Variants in WNK3 observed in about 807,000 individuals in gnomAD.
WNK3 encodes serine/threonine-protein kinase WNK3.
A neutral mutation model predicts 116.7 loss-of-function variants in WNK3; 18 were observed. That is an observed-to-expected ratio of 0.15 (90% CI 0.11 to 0.23). The LOEUF (loss-of-function observed/expected upper bound fraction) is 0.23. Among genes scored for constraint, WNK3 ranks in the 10% least tolerant of loss-of-function variants. The probability of loss-of-function intolerance (pLI) is 1.00; values close to 1 mark genes in which losing one functional copy is unlikely to be tolerated. For missense variants in WNK3, 993 were observed against 1,323.8 expected (o/e 0.75, Z 3.88); for synonymous variants, 404 against 469.4 (o/e 0.86, Z 1.80).
At chrX:54,208,163 C>T (rs193214541) in intron 22 of WNK3, among the ~76,000 whole-genome samples, 4 of 110,339 alleles carry the variant, frequency 3.6e-5, no homozygotes, top group Admixed American at 9.8e-5. Flanking sequence ...CTTGCTCTGT[C>T]GCCCAGGCTG....
At chrX:54,293,851 A>T (rs782483787) in intron 8 of WNK3, among the ~76,000 whole-genome samples, 1 of 112,304 alleles carries the variant, frequency 8.9e-6, no homozygotes, top group South Asian at 3.7e-4. Context: ...TGAGGAATAA[A>T]TTTTATCTTT....
At chrX:54,291,456 G>A (rs1432856162) in intron 10 of WNK3, among the ~76,000 whole-genome samples, 1 of 111,770 alleles carries the variant, frequency 8.9e-6, no homozygotes, top group African/African-American at 3.2e-5. Flanking sequence ...GTAACATTTT[G>A]ATAATTAAAT....
chrX:54,341,432 G>A (rs782810190), intron 1 of WNK3, among the ~76,000 whole-genome samples: 64 of 108,772 alleles, frequency 5.9e-4, no homozygotes, highest in African/African-American at 2.1e-3. Context: ...CAATAAAAAC[G>A]AATGGTGTCA....
intron 22 of WNK3, among the ~76,000 whole-genome samples, chrX:54,216,340 A>G (rs889216468): frequency 4.7e-5 from 5 of 107,278 alleles, no homozygotes; most frequent in Admixed American, 4.1e-4. Context: ...AAAGATTTCT[A>G]TTTCCCAAGT....
chrX:54,221,790 C>T (rs1346414665), intron 22 of WNK3, among the ~76,000 whole-genome samples: 5 of 110,331 alleles, frequency 4.5e-5, no homozygotes, highest in Non-Finnish European at 7.6e-5. Flanking sequence ...GCTGAGATCA[C>T]GCCACTCAAC....
chrX:54,356,533 G>T (rs782313508), intron 1 of WNK3, among the ~76,000 whole-genome samples: 4 of 111,017 alleles, frequency 3.6e-5, no homozygotes, highest in Non-Finnish European at 7.5e-5. Flanking sequence ...TTGAGCTGTC[G>T]AGTTTAAACA....
At chrX:54,204,034 A>G (rs1266298088) in intron 22 of WNK3, among the ~76,000 whole-genome samples, 1 of 112,141 alleles carries the variant, frequency 8.9e-6, no homozygotes, top group Non-Finnish European at 1.9e-5. Context: ...AAAGGGAAAC[A>G]TGACAATCTC....
chrX:54,282,066 G>T (rs1394632457), intron 10 of WNK3, among the ~76,000 whole-genome samples: 1 of 108,112 alleles, frequency 9.2e-6, no homozygotes. Context: ...TTGAGACAGG[G>T]TCTTGCTCTG....
intron 1 of WNK3, among the ~76,000 whole-genome samples, chrX:54,336,877 G>T (rs1410674797): frequency 9.0e-6 from 1 of 111,346 alleles, no homozygotes; most frequent in Non-Finnish European, 1.9e-5. Context: ...TTGCCAACCA[G>T]ATGACATTAC....
Position 54,297,930 on chromosome X carries a change from G to A in WNK3, c.1398+245C>T, listed in dbSNP as rs782772250. 8.2e-5 allele frequency among the ~76,000 whole-genome samples: 9 copies of A among 110,122 alleles called. No individual in the cohort carries two copies. The South Asian group carries it at 1.2e-3, about 14-fold the overall frequency. On this transcript the variant is annotated intron_variant, in intron 7 of 23. Transcript: ENST00000354646. ...CTAGTAAAAATACAAAAAATTAGCC[G>A]GGCGTGGTGGCGGGCTCCTGTAGTC...
At chrX:54,199,039 T>C (rs1003991439) in intron 23 of WNK3, among the ~76,000 whole-genome samples, 31 of 111,906 alleles carry the variant, frequency 2.8e-4, no homozygotes, top group African/African-American at 1.0e-3. Flanking sequence ...GATTAAATTA[T>C]ATAATGAACA....
chrX:54,214,456 G>T (rs1557144544), intron 22 of WNK3, among the ~76,000 whole-genome samples: 2 of 111,593 alleles, frequency 1.8e-5, no homozygotes, highest in African/African-American at 6.5e-5. Context: ...ATAAGGGCCT[G>T]GGTAAACTTT....
intron 2 of WNK3, among the ~76,000 whole-genome samples, chrX:54,325,404 C>A (rs1287336153): frequency 2.7e-5 from 3 of 110,396 alleles, no homozygotes; most frequent in African/African-American, 9.9e-5. Context: ...ATTGGCCGGG[C>A]GTTGTGGCTC....
intron 1 of WNK3, 66 bp from the exon 2 acceptor site, chrX:54,333,858 T>A: frequency 2.4e-6 from 1 of 413,290 alleles, no homozygotes; most frequent in Non-Finnish European, 4.1e-6. Context: ...AGAAAACAAA[T>A]CACCTGATTT....
chrX:54,281,709 G>C (rs1245649615), intron 10 of WNK3, among the ~76,000 whole-genome samples: 2 of 111,262 alleles, frequency 1.8e-5, no homozygotes, highest in Non-Finnish European at 3.8e-5. Flanking sequence ...TTAGCATAAT[G>C]TCCTCCTGGT....
chrX:54,347,665 C>CATATAT (rs200836859), intron 1 of WNK3, among the ~76,000 whole-genome samples: 1 of 100,608 alleles, frequency 9.9e-6, no homozygotes, highest in African/African-American at 3.8e-5. Flanking sequence ...AAATAAAAGA[C>CATATAT]ATATATATAT....
chrX:54,309,482 AT>A (rs1298523841), intron 3 of WNK3, among the ~76,000 whole-genome samples, 167 bp from the exon 4 acceptor site: 1 of 111,945 alleles, frequency 8.9e-6, no homozygotes, highest in Non-Finnish European at 1.9e-5. Flanking sequence ...CTAATACTTC[AT>A]TCTTAGATAA....
chrX:54,270,444 G>A (rs2068368980), intron 10 of WNK3, among the ~76,000 whole-genome samples: 1 of 91,533 alleles, frequency 1.1e-5, no homozygotes, highest in African/African-American at 4.1e-5. Context: ...CTTTCTTGTT[G>A]CCCAGGCTGG....
chrX:54,315,980 A>ACC (rs2068950359), intron 2 of WNK3, among the ~76,000 whole-genome samples: 1 of 110,958 alleles, frequency 9.0e-6, no homozygotes, highest in Non-Finnish European at 1.9e-5. Flanking sequence ...ACTAAAAATG[A>ACC]CCCCGTCTAC....
Sources: allele counts gnomAD v4.1 joint callset (sites outside exome capture counted in the v4.1 genomes callset), GRCh38; gene constraint gnomAD v4.1.1; transcripts MANE v1.5; gene names NCBI Gene and HGNC (gene_info 2026-07-23, HGNC 2026-07-21).